The following ELOVL5 variants were observed in gnomAD, a reference collection of about 807,000 sequenced individuals.
ELOVL5 encodes the protein ELOVL fatty acid elongase 5, also known as very long chain fatty acid elongase 5.
Under a neutral mutation model 38.6 loss-of-function variants are expected in ELOVL5, and 8 were observed. That is an observed-to-expected ratio of 0.21 (90% CI 0.12 to 0.37). The LOEUF (loss-of-function observed/expected upper bound fraction) is 0.37, where lower values mean the gene tolerates loss of function less well. Ranked by LOEUF, ELOVL5 falls within the 10% of genes least tolerant of loss-of-function variation. The pLI, the probability that ELOVL5 is intolerant of heterozygous loss-of-function variation, is 1.00. For synonymous variants in ELOVL5, 127 were observed against 133.7 expected (o/e 0.95, Z 0.34); for missense variants, 280 against 367.8 (o/e 0.76, Z 1.95).
At chr6:53,292,321 GCA>G (rs1256534350) in intron 2 of ELOVL5, among the ~76,000 whole-genome samples, 15 of 152,186 alleles carry the variant, frequency 9.9e-5, no homozygotes, top group Non-Finnish European at 2.1e-4. Context: ...CCAAGAAATG[GCA>G]GTCATTGAAC....
At chr6:53,345,925 C>T (rs770379973) in intron 1 of ELOVL5, among the ~76,000 whole-genome samples, 3 of 152,122 alleles carry the variant, frequency 2.0e-5, no homozygotes, top group Non-Finnish European at 4.4e-5. Flanking sequence ...TTAAGTTATG[C>T]GATACATGTG....
intron 1 of ELOVL5, among the ~76,000 whole-genome samples, chr6:53,317,844 T>TA (rs60327247): frequency 1.3e-5 from 2 of 148,368 alleles, no homozygotes; most frequent in East Asian, 2.0e-4. Flanking sequence ...TTAAAAAAAA[T>TA]AAAATAAAAT....
intron 1 of ELOVL5, among the ~76,000 whole-genome samples, chr6:53,302,836 C>G (rs1767314866): frequency 6.6e-6 from 1 of 152,072 alleles, no homozygotes; most frequent in Admixed American, 6.6e-5. Flanking sequence ...AAGTCACATT[C>G]CTTTTGATTT....
intron 3 of ELOVL5, among the ~76,000 whole-genome samples, chr6:53,280,290 G>A (rs1004743806): frequency 6.6e-5 from 10 of 152,122 alleles, no homozygotes; most frequent in African/African-American, 2.2e-4. Flanking sequence ...ACTACCTAAC[G>A]AAATTTTCCA....
At chr6:53,324,432 T>C (rs774915588) in intron 1 of ELOVL5, among the ~76,000 whole-genome samples, 10 of 151,780 alleles carry the variant, frequency 6.6e-5, no homozygotes, top group Non-Finnish European at 1.2e-4. Flanking sequence ...TCCCAACACT[T>C]TGGGAGGCCA....
intron 2 of ELOVL5, chr6:53,293,988 C>A: frequency 1.3e-6 from 1 of 773,200 alleles, no homozygotes; most frequent in African/African-American, 1.8e-5. Flanking sequence ...CCTTGGCTGT[C>A]AATTTTAAGA....
chr6:53,328,278 AG>A (rs1314634307), intron 1 of ELOVL5, among the ~76,000 whole-genome samples: 1 of 152,240 alleles, frequency 6.6e-6, no homozygotes, highest in East Asian at 1.9e-4. Context: ...AGTAGTAGTT[AG>A]TGACTACTAT....
At chr6:53,295,223 T>C (rs1304658655) in intron 2 of ELOVL5, among the ~76,000 whole-genome samples, 3 of 152,186 alleles carry the variant, frequency 2.0e-5, no homozygotes, top group Non-Finnish European at 1.5e-5. Flanking sequence ...AAGGTTCAGG[T>C]GCATATTTAC....
chr6:53,323,457 G>A (rs1768377197), intron 1 of ELOVL5, among the ~76,000 whole-genome samples: 1 of 151,602 alleles, frequency 6.6e-6, no homozygotes, highest in Non-Finnish European at 1.5e-5. Context: ...GGCCTGCCTA[G>A]ACATGACATA....
At chr6:53,294,914 C>A (rs1394831025) in intron 2 of ELOVL5, among the ~76,000 whole-genome samples, 1 of 152,214 alleles carries the variant, frequency 6.6e-6, no homozygotes, top group East Asian at 1.9e-4. Flanking sequence ...GAAGGCAAAA[C>A]AGCCTTTCAG....
chr6:53,312,674 T>C (rs1767891650), intron 1 of ELOVL5, among the ~76,000 whole-genome samples: 1 of 152,186 alleles, frequency 6.6e-6, no homozygotes, highest in Admixed American at 6.5e-5. Context: ...AGAGAGTACT[T>C]GGGATCTCTG....
rs114179351 is a variant in ELOVL5, at chr6:53,348,930, G to C, written c.-122C>G. 2.1e-5 allele frequency: 9 copies of C among 438,888 alleles called. No homozygotes were observed. Among genetic ancestry groups the C allele is most frequent in the Admixed American group, 7.6e-5 (3 of 39,446 alleles). 27.2% of individuals were successfully genotyped at this position (438,888 alleles called of 1,614,324 possible). A position where few individuals can be genotyped will look rare whatever the true frequency, so the allele number is the denominator to read the frequency against. On this transcript the variant is annotated 5_prime_UTR_variant, in exon 1 of 8. Coordinates refer to ENST00000304434, the MANE Select transcript of ELOVL5 (RefSeq NM_021814.5). ...ATGTAGAAGGAGACACCGGTGGCTA[G>C]GACCCGCGCGATGGGAAGAGGAAGG...
intron 1 of ELOVL5, among the ~76,000 whole-genome samples, chr6:53,328,726 T>C (rs1160917082): frequency 6.6e-6 from 1 of 151,212 alleles, no homozygotes; most frequent in African/African-American, 2.4e-5. Flanking sequence ...GAAGCCTAAA[T>C]ACTGTAATGT....
Position 53,269,144 on chromosome 6 carries a change from T to G in ELOVL5, c.883A>C (p.Lys295Gln), listed in dbSNP as rs1197094612. 1.2e-6 allele frequency: 2 copies of G among 1,613,946 alleles called. No individual in the cohort carries two copies. Among genetic ancestry groups the G allele is most frequent in the South Asian group, 2.2e-5 (2 of 91,060 alleles). Residue 295 changes from lysine (K) to glutamine (Q), a missense_variant, in exon 8 of 8, where the codon AAG (lysine) becomes CAG (glutamine). By Grantham distance (53) the Lys-to-Gln change is moderately conservative (BLOSUM62 1). Transcript: ENST00000304434. Reference protein sequence around the residue: ...SPLENNVKPRKLRKD With the variant: ...SPLENNVKPRQLRKD Reference sequence around the variant, plus strand: ...CTTTGACTTCAATCCTTCCGCAGCTTCCTTGGCTTCACATTGTTTTCCAGG... The same window carrying G: ...CTTTGACTTCAATCCTTCCGCAGCTGCCTTGGCTTCACATTGTTTTCCAGG...
intron 1 of ELOVL5, among the ~76,000 whole-genome samples, chr6:53,339,885 A>C (rs1160268025): frequency 6.6e-6 from 1 of 152,216 alleles, no homozygotes; most frequent in Non-Finnish European, 1.5e-5. Flanking sequence ...TTCCAGAAGA[A>C]GGCATTGTTG....
intron 5 of ELOVL5, among the ~76,000 whole-genome samples, chr6:53,273,943 T>C (rs1000673723): frequency 3.9e-5 from 6 of 152,182 alleles, no homozygotes; most frequent in African/African-American, 1.4e-4. Flanking sequence ...CCAGACTCTG[T>C]CCTCCTCCCC....
intron 2 of ELOVL5, among the ~76,000 whole-genome samples, chr6:53,293,350 C>T (rs1163779914): frequency 2.0e-5 from 3 of 152,174 alleles, no homozygotes; most frequent in Non-Finnish European, 4.4e-5. Context: ...CGGAGTCTCA[C>T]TCTGTCGCCC....
intron 2 of ELOVL5, among the ~76,000 whole-genome samples, chr6:53,293,537 G>C (rs2294856): frequency 0.45 from 68,152 of 151,740 alleles, 16,657 homozygotes; most frequent in African/African-American, 0.65. Flanking sequence ...AGGCTGGTCT[G>C]GAACTCCTGA....
At chr6:53,343,971 T>C (rs1416628261) in intron 1 of ELOVL5, among the ~76,000 whole-genome samples, 1 of 152,212 alleles carries the variant, frequency 6.6e-6, no homozygotes, top group Non-Finnish European at 1.5e-5. Context: ...GGGAAAAGTG[T>C]AGGAGGCATC....
Sources: allele counts gnomAD v4.1 joint callset (sites outside exome capture counted in the v4.1 genomes callset), GRCh38; gene constraint gnomAD v4.1.1; transcripts MANE v1.5; gene names NCBI Gene and HGNC (gene_info 2026-07-23, HGNC 2026-07-21).